The following NFIA variants were observed in gnomAD, a reference collection of about 807,000 sequenced individuals.
The protein encoded by NFIA is nuclear factor 1 A-type.
A neutral mutation model predicts 62.8 loss-of-function variants in NFIA; 8 were observed. The observed-to-expected ratio is 0.13, with a 90% CI of 0.07 to 0.23. The LOEUF (loss-of-function observed/expected upper bound fraction) is 0.23. NFIA is among the 10% of genes least tolerant of loss of function. The probability of loss-of-function intolerance (pLI) is 1.00; values close to 1 mark genes in which losing one functional copy is unlikely to be tolerated. For synonymous variants in NFIA, 235 were observed against 238.1 expected, an observed-to-expected ratio of 0.99 and a Z score of 0.12; for missense variants, 410 against 642.1, an observed-to-expected ratio of 0.64 and a Z score of 3.91.
chr1:61,233,142 G>C (rs2100634235), intron 2 of NFIA, among the ~76,000 whole-genome samples: 1 of 152,076 alleles, frequency 6.6e-6, no homozygotes, highest in East Asian at 1.9e-4. Flanking sequence ...CATTGATTCA[G>C]TACCTACTAT....
At chr1:61,330,443 C>A (rs527914625) in intron 3 of NFIA, among the ~76,000 whole-genome samples, 31 of 90,714 alleles carry the variant, frequency 3.4e-4, no homozygotes, top group South Asian at 2.0e-3. Flanking sequence ...TACACCCCCC[C>A]CACACACACA....
intron 9 of NFIA, among the ~76,000 whole-genome samples, chr1:61,420,861 T>A (rs1482444858): frequency 6.6e-6 from 1 of 152,190 alleles, no homozygotes; most frequent in Admixed American, 6.5e-5. Flanking sequence ...TTCCTCCTCT[T>A]AAAATAAATT....
At chr1:61,330,163 G>A (rs151284361) in intron 3 of NFIA, among the ~76,000 whole-genome samples, 46 of 152,236 alleles carry the variant, frequency 3.0e-4, no homozygotes, top group African/African-American at 1.0e-3. Context: ...GAATACCTGT[G>A]GGCTATCTGG....
At chr1:61,412,885 A>G (rs546111147) in intron 9 of NFIA, among the ~76,000 whole-genome samples, 9 of 152,314 alleles carry the variant, frequency 5.9e-5, no homozygotes, top group Admixed American at 2.0e-4. Context: ...TCTTTCTGGT[A>G]ACTGTACTTT....
chr1:61,416,501 T>G (rs1229166053), intron 9 of NFIA, among the ~76,000 whole-genome samples: 1 of 152,114 alleles, frequency 6.6e-6, no homozygotes, highest in African/African-American at 2.4e-5. Flanking sequence ...GGTGAGCATT[T>G]TCATTCACAG....
chr1:61,434,422 A>G (rs1349031863), intron 10 of NFIA, among the ~76,000 whole-genome samples: 3 of 152,168 alleles, frequency 2.0e-5, no homozygotes, highest in Admixed American at 2.0e-4. Context: ...TTCTTGACAC[A>G]TTCTCTTCAC....
intron 2 of NFIA, among the ~76,000 whole-genome samples, chr1:61,264,599 C>T (rs569283532): frequency 2.9e-5 from 4 of 136,828 alleles, no homozygotes; most frequent in South Asian, 2.2e-4. Flanking sequence ...TGCAGTGAGC[C>T]GAGATCGCAC....
At chr1:61,443,761 C>T (rs894871468) in intron 10 of NFIA, among the ~76,000 whole-genome samples, 3 of 152,174 alleles carry the variant, frequency 2.0e-5, no homozygotes, top group African/African-American at 4.8e-5. Flanking sequence ...GTCCTTGGTG[C>T]TCTTTCTCCT....
chr1:61,297,693 T>A (rs1259795892), intron 3 of NFIA, among the ~76,000 whole-genome samples: 1 of 152,160 alleles, frequency 6.6e-6, no homozygotes, highest in African/African-American at 2.4e-5. Context: ...AGAGCCATAC[T>A]TTTTTATGCA....
At chr1:61,157,369 C>T (rs17121740) in intron 2 of NFIA, among the ~76,000 whole-genome samples, 3,675 of 151,990 alleles carry the variant, frequency 0.024, 69 homozygotes, top group Non-Finnish European at 0.035. Flanking sequence ...GTGATGTTTA[C>T]AACAGTTCAA....
chr1:61,254,533 G>T (rs1656252842), intron 2 of NFIA, among the ~76,000 whole-genome samples: 1 of 152,118 alleles, frequency 6.6e-6, no homozygotes, highest in South Asian at 2.1e-4. Flanking sequence ...TCCTTCTGTT[G>T]GATAGGCAAG....
intron 2 of NFIA, among the ~76,000 whole-genome samples, chr1:61,268,966 C>G (rs1484921965): frequency 6.6e-6 from 1 of 152,120 alleles, no homozygotes; most frequent in African/African-American, 2.4e-5. Context: ...GTGCTCCCTC[C>G]CTTGCCTCGT....
chr1:61,212,309 A>G (rs1653316594), intron 2 of NFIA, among the ~76,000 whole-genome samples: 1 of 152,218 alleles, frequency 6.6e-6, no homozygotes, highest in Non-Finnish European at 1.5e-5. Flanking sequence ...CTAGACAATT[A>G]ACAAATAAAT....
At chr1:61,175,128 GATTATTATTATTATT>G (rs66989543) in intron 2 of NFIA, among the ~76,000 whole-genome samples, 2 of 150,094 alleles carry the variant, frequency 1.3e-5, no homozygotes, top group African/African-American at 4.9e-5. Context: ...TTTCTGTATT[GATTATTATTATTATT>G]ATTATTATTA....
intron 7 of NFIA, among the ~76,000 whole-genome samples, chr1:61,384,533 C>T (rs887889382): frequency 2.0e-5 from 3 of 151,988 alleles, no homozygotes; most frequent in Non-Finnish European, 4.4e-5. Context: ...GGCTTACTAT[C>T]GATATATAAT....
chr1:61,349,777 G>A (rs150849325), intron 4 of NFIA, among the ~76,000 whole-genome samples: 60 of 151,768 alleles, frequency 4.0e-4, no homozygotes, highest in African/African-American at 1.5e-3. Flanking sequence ...TTTTTCTGTG[G>A]AGACATAGTC....
chr1:61,408,657 C>T lies in NFIA; in HGVS notation c.1420+1930C>T, dbSNP rs1037316008. Among the ~76,000 whole-genome samples, 17 of 152,086 alleles carry T rather than the reference C, an allele frequency of 1.1e-4. 1 individual carries two copies. The highest frequency in any genetic ancestry group is 1.1e-3 in the Admixed American group (17 of 15,268). On this transcript the variant is annotated intron_variant, in intron 9 of 10. Transcript: ENST00000403491. Reference sequence around the variant, plus strand: ...TGTGTCCTAATGAGTTTTTCAGTAACGGGAATGAGGCTCTGCTGAGGCACA... The same window carrying T: ...TGTGTCCTAATGAGTTTTTCAGTAATGGGAATGAGGCTCTGCTGAGGCACA...
chr1:61,216,670 C>G (rs921718091), intron 2 of NFIA, among the ~76,000 whole-genome samples: 3 of 152,152 alleles, frequency 2.0e-5, no homozygotes, highest in Non-Finnish European at 4.4e-5. Flanking sequence ...TTTTACTGTC[C>G]TATTTTGTTT....
chr1:61,082,844 G>T, intron 1 of NFIA, 26 bp downstream of exon 1: 1 of 1,546,978 alleles, frequency 6.5e-7, no homozygotes, highest in Non-Finnish European at 8.7e-7. Flanking sequence ...GATGCGGAGG[G>T]CTTGGGGGCC....
Sources: gnomAD v4.1 joint callset for allele counts (sites outside exome capture counted in the v4.1 genomes callset) on GRCh38, gnomAD v4.1.1 for gene constraint, MANE v1.5 for transcripts, NCBI Gene and HGNC (gene_info 2026-07-23, HGNC 2026-07-21) for gene names.